Variants in FAM135A observed in about 807,000 individuals in gnomAD.
FAM135A encodes protein FAM135A.
A neutral mutation model predicts 146.8 loss-of-function variants in FAM135A; 79 were observed. The observed-to-expected ratio is 0.54, with a 90% CI of 0.45 to 0.65. The LOEUF (loss-of-function observed/expected upper bound fraction) is 0.65, where lower values mean the gene tolerates loss of function less well. Ranked by LOEUF, FAM135A falls within the 30% of genes least tolerant of loss-of-function variation. FAM135A has a pLI of 0.00. For missense variants in FAM135A, 1,623 were observed against 1,758.2 expected, an observed-to-expected ratio of 0.92 and a Z score of 1.38; for synonymous variants, 562 against 603.6, an observed-to-expected ratio of 0.93 and a Z score of 1.01.
At position 70,460,717 on chromosome 6, in the gene FAM135A, T is replaced by C. The variant is rs1212398009; in HGVS notation, c.157+8146T>C. On this transcript the variant is annotated intron_variant, in intron 5 of 21. Transcript: ENST00000418814. ...AAAACCATTTATGAGATGGGAAACA[T>C]GAACTAGTGTGACCAAGAGCAAGAA... Among the ~76,000 whole-genome samples, 3 of 152,170 alleles carry C rather than the reference T, an allele frequency of 2.0e-5. No homozygotes were observed. In the East Asian group the frequency reaches 5.8e-4, roughly 29 times the overall value.
intron 12 of FAM135A, chr6:70,503,560 C>T (rs1054853144): frequency 3.9e-5 from 6 of 152,220 alleles, no homozygotes; most frequent in African/African-American, 1.4e-4. Context: ...AAGTAGAACA[C>T]TCTCAATGCT....
intron 20 of FAM135A, among the ~76,000 whole-genome samples, chr6:70,555,884 G>A (rs1800742418): frequency 6.6e-6 from 1 of 152,054 alleles, no homozygotes. Flanking sequence ...TATAATCTAA[G>A]GATGGCCTTA....
At position 70,525,914 on chromosome 6, in the gene FAM135A, T is replaced by C. The variant is rs1794598441; in HGVS notation, c.2830T>C (p.Leu944=). The C allele has an allele frequency of 4.3e-6, 7 of 1,613,240 alleles. No individual in the cohort carries two copies. The highest frequency in any genetic ancestry group is 5.9e-6 in the Non-Finnish European group (7 of 1,179,586). The change falls in exon 15 of 22, where the codon TTG becomes CTG. Residue 944 remains leucine (L), a synonymous_variant. Transcript: ENST00000418814. ...VKSSCSSKPN[L]DTMCKGFQSP... is the part of the protein sequence containing the mutation. ...AAGTAGTTGCAGCTCCAAACCTAACTTGGATACTATGTGTAAAGGCTTCCA... is the reference window on the plus strand; with the variant it reads ...AAGTAGTTGCAGCTCCAAACCTAACCTGGATACTATGTGTAAAGGCTTCCA...
intron 12 of FAM135A, among the ~76,000 whole-genome samples, chr6:70,521,621 C>T (rs972770315): frequency 6.6e-6 from 1 of 152,144 alleles, no homozygotes; most frequent in Non-Finnish European, 1.5e-5. Context: ...ACATTTAAAA[C>T]CAAAGAATCC....
intron 20 of FAM135A, among the ~76,000 whole-genome samples, chr6:70,538,800 GTTATGTTATATTATATTATA>G (rs1395985992): frequency 0.014 from 1,730 of 124,024 alleles, 41 homozygotes; most frequent in African/African-American, 0.053. Flanking sequence ...TTCATATTAT[GTTATGTTATATTATATTATA>G]TTATATTATA....
chr6:70,455,444 G>A (rs1468921568), intron 5 of FAM135A, among the ~76,000 whole-genome samples: 1 of 151,410 alleles, frequency 6.6e-6, no homozygotes. Flanking sequence ...GTGTGTATAT[G>A]TATATATATT....
At chr6:70,543,570 T>C (rs1380394021) in intron 20 of FAM135A, among the ~76,000 whole-genome samples, 4 of 152,236 alleles carry the variant, frequency 2.6e-5, no homozygotes, top group African/African-American at 9.6e-5. Flanking sequence ...ATATACTTGA[T>C]TGATCAAATT....
intron 20 of FAM135A, among the ~76,000 whole-genome samples, chr6:70,554,371 G>A (rs1000840897): frequency 2.6e-5 from 4 of 152,176 alleles, no homozygotes; most frequent in Non-Finnish European, 4.4e-5. Context: ...GGTCAAATAA[G>A]ATGAGGCCTG....
At chr6:70,552,420 G>A (rs941998410) in intron 20 of FAM135A, among the ~76,000 whole-genome samples, 26 of 151,552 alleles carry the variant, frequency 1.7e-4, no homozygotes, top group African/African-American at 5.3e-4. Context: ...GGCGGGGCGA[G>A]GGGGAAGGCA....
intron 2 of FAM135A, chr6:70,417,459 C>T (rs531520090): frequency 2.5e-4 from 71 of 278,898 alleles, no homozygotes; most frequent in African/African-American, 3.7e-4. Context: ...GTGATTCTCC[C>T]GCCTCAGCCA....
chr6:70,543,063 G>T (rs1159971378), intron 20 of FAM135A, among the ~76,000 whole-genome samples: 1 of 151,994 alleles, frequency 6.6e-6, no homozygotes, highest in Non-Finnish European at 1.5e-5. Flanking sequence ...TACATATTCA[G>T]TATGTACCAT....
intron 11 of FAM135A, among the ~76,000 whole-genome samples, chr6:70,494,095 G>C (rs1161662473): frequency 6.8e-6 from 1 of 147,920 alleles, no homozygotes; most frequent in African/African-American, 2.5e-5. Context: ...ACAAGTGTTT[G>C]ATGAAGTAGG....
At chr6:70,435,905 C>T (rs1022275762) in intron 4 of FAM135A, among the ~76,000 whole-genome samples, 5 of 152,076 alleles carry the variant, frequency 3.3e-5, no homozygotes, top group East Asian at 1.9e-4. Context: ...ATGAACTTGC[C>T]GGGTGTGGTG....
At chr6:70,537,577 C>G (rs1582831953) in intron 19 of FAM135A, among the ~76,000 whole-genome samples, 1 of 152,088 alleles carries the variant, frequency 6.6e-6, no homozygotes, top group South Asian at 2.1e-4. Flanking sequence ...CTTCACTAAA[C>G]TTTTTCCCAG....
At chr6:70,498,080 T>A (rs919723751) in intron 11 of FAM135A, among the ~76,000 whole-genome samples, 1 of 152,238 alleles carries the variant, frequency 6.6e-6, no homozygotes, top group Admixed American at 6.5e-5. Context: ...TCTAGTAGAA[T>A]TCGGCTGTGA....
chr6:70,558,756 C>T (rs1426709748), intron 21 of FAM135A, among the ~76,000 whole-genome samples: 1 of 152,096 alleles, frequency 6.6e-6, no homozygotes, highest in Admixed American at 6.6e-5. Context: ...GATGTGGAGG[C>T]TGCAGTGAGT....
intron 2 of FAM135A, among the ~76,000 whole-genome samples, chr6:70,421,882 T>G (rs1048678579): frequency 2.0e-5 from 3 of 152,120 alleles, no homozygotes; most frequent in Non-Finnish European, 4.4e-5. Context: ...TGCAGGAGGG[T>G]CATGAAACTC....
intron 19 of FAM135A, among the ~76,000 whole-genome samples, chr6:70,537,854 TGTG>T (rs1455336693): frequency 3.9e-5 from 6 of 152,350 alleles, no homozygotes; most frequent in African/African-American, 1.4e-4. Flanking sequence ...CATTCTAAGA[TGTG>T]GTCTGTTTGC....
chr6:70,478,840 C>T (rs1783132975), intron 8 of FAM135A, among the ~76,000 whole-genome samples: 2 of 152,122 alleles, frequency 1.3e-5, no homozygotes, highest in Non-Finnish European at 2.9e-5. Flanking sequence ...TTTTTTATTA[C>T]ATACATAATT....
Sources: gnomAD v4.1 joint callset for allele counts (sites outside exome capture counted in the v4.1 genomes callset) on GRCh38, gnomAD v4.1.1 for gene constraint, MANE v1.5 for transcripts, NCBI Gene and HGNC (gene_info 2026-07-23, HGNC 2026-07-21) for gene names.